Variants in SMG6 observed in about 807,000 individuals in gnomAD.
SMG6 encodes the protein SMG6 nonsense mediated mRNA decay factor, also known as telomerase-binding protein EST1A.
Under a neutral mutation model 142.2 loss-of-function variants are expected in SMG6, and 66 were observed. The observed-to-expected ratio is 0.46, with a 90% CI of 0.38 to 0.57. The LOEUF (loss-of-function observed/expected upper bound fraction) is 0.57, where lower values mean the gene tolerates loss of function less well. Ranked by LOEUF, SMG6 falls within the 20% of genes least tolerant of loss-of-function variation. The pLI is 0.00. For missense variants in SMG6, 1,793 were observed against 1,832.0 expected (o/e 0.98, Z 0.39); for synonymous variants, 779 against 702.4 (o/e 1.11, Z -1.72).
intron 12 of SMG6, among the ~76,000 whole-genome samples, chr17:2,177,942 G>A (rs1340586422): frequency 3.3e-5 from 5 of 152,188 alleles, no homozygotes; most frequent in African/African-American, 9.7e-5. Flanking sequence ...AACTGTCCAC[G>A]CAGGGGTCAG....
chr17:2,078,749 AAAG>A (rs1270349722), intron 15 of SMG6, among the ~76,000 whole-genome samples: 1 of 152,170 alleles, frequency 6.6e-6, no homozygotes, highest in African/African-American at 2.4e-5. Context: ...GAGACCAAAA[AAAG>A]AATGGTGGTG....
rs1294379633 is a variant in SMG6, at chr17:2,201,475, C to A, written c.2870-12960G>T. On this transcript the variant is annotated intron_variant, in intron 10 of 18. Transcript: ENST00000263073. ...TTAGAAGGCTGAGGTGTGTGGATGG[C>A]TTGCGGTCAGGAGTTCGAGACTGGC... 2.0e-5 allele frequency among the ~76,000 whole-genome samples: 3 copies of A among 152,142 alleles called. No homozygotes were observed. The East Asian group carries it at 5.8e-4, about 29-fold the overall frequency.
rs190639825 is a variant in SMG6, at chr17:2,184,826, G to A, written c.3155+1837C>T. 2.4e-3 allele frequency among the ~76,000 whole-genome samples: 356 copies of A among 151,290 alleles called. 5 individuals are homozygous for A. Among genetic ancestry groups the A allele is most frequent in the African/African-American group, 7.9e-3 (325 of 41,222 alleles). On this transcript the variant is annotated intron_variant, in intron 12 of 18. Transcript: ENST00000263073. ...TTAAAAATACAAAAATTAGCCGGGT[G>A]TGGTGGCAGGTGCCTGTAATCCCAG...
At chr17:2,161,415 T>A (rs917735153) in intron 13 of SMG6, among the ~76,000 whole-genome samples, 1 of 151,088 alleles carries the variant, frequency 6.6e-6, no homozygotes, top group African/African-American at 2.4e-5. Context: ...TTTATTTATT[T>A]ATTTTTTTTT....
At chr17:2,291,324 C>G (rs541812683) in intron 6 of SMG6, among the ~76,000 whole-genome samples, 16 of 151,008 alleles carry the variant, frequency 1.1e-4, no homozygotes, top group Non-Finnish European at 2.2e-4. Context: ...GAGCGAGACT[C>G]CGTCTCAGAA....
At chr17:2,199,256 G>C (rs1420010054) in intron 10 of SMG6, among the ~76,000 whole-genome samples, 1 of 152,226 alleles carries the variant, frequency 6.6e-6, no homozygotes, top group Non-Finnish European at 1.5e-5. Context: ...TCAAACATGA[G>C]TCTGAGTACT....
chr17:2,179,460 C>T (rs559528943), intron 12 of SMG6, among the ~76,000 whole-genome samples: 10 of 152,200 alleles, frequency 6.6e-5, no homozygotes, highest in South Asian at 2.1e-4. Flanking sequence ...ATACGCCCTA[C>T]GTATCCCTCT....
intron 8 of SMG6, among the ~76,000 whole-genome samples, chr17:2,251,116 A>G (rs1305330728): frequency 1.3e-5 from 2 of 151,792 alleles, no homozygotes; most frequent in African/African-American, 4.8e-5. Context: ...TGTCACAGAG[A>G]TGAGATGGAA....
intron 10 of SMG6, among the ~76,000 whole-genome samples, chr17:2,192,571 C>T (rs1206838793): frequency 6.6e-6 from 1 of 152,212 alleles, no homozygotes; most frequent in Non-Finnish European, 1.5e-5. Context: ...ATTCCCTCCC[C>T]ACTGTCTCCT....
chr17:2,103,271 T>C (rs1399431047), intron 13 of SMG6, among the ~76,000 whole-genome samples: 8 of 152,172 alleles, frequency 5.3e-5, no homozygotes, highest in Non-Finnish European at 8.8e-5. Flanking sequence ...AGCTCTGTCA[T>C]AGGGGACAGT....
In SMG6 at chr17:2,269,804, A is replaced by G. The variant is rs572502189; in HGVS notation, c.2661+12843T>C. Among the ~76,000 whole-genome samples the G allele has an allele frequency of 3.3e-5, 5 of 152,326 alleles. No individual in the cohort carries two copies. In the East Asian group the frequency reaches 9.7e-4, roughly 29 times the overall value. Reference sequence around the variant, plus strand: ...GGTTATCACTGTCATCATCTTACAGATAGAAAACTAAAGCTCAGCCAGGTT... The same window carrying G: ...GGTTATCACTGTCATCATCTTACAGGTAGAAAACTAAAGCTCAGCCAGGTT... On this transcript the variant is annotated intron_variant, in intron 8 of 18. Coordinates refer to ENST00000263073, the MANE Select transcript of SMG6 (RefSeq NM_017575.5).
chr17:2,120,473 A>G (rs1361000810), intron 13 of SMG6, among the ~76,000 whole-genome samples: 1 of 152,236 alleles, frequency 6.6e-6, no homozygotes, highest in East Asian at 1.9e-4. Context: ...CACGCCTAGC[A>G]CTTTGGACGA....
chr17:2,298,335 T>G (rs1420623069), intron 2 of SMG6, among the ~76,000 whole-genome samples: 4 of 152,218 alleles, frequency 2.6e-5, no homozygotes, highest in Non-Finnish European at 5.9e-5. Context: ...TTTCTTGGCA[T>G]TCTAGAAAGT....
chr17:2,197,292 G>A (rs551326669), intron 10 of SMG6, among the ~76,000 whole-genome samples: 5 of 152,256 alleles, frequency 3.3e-5, no homozygotes, highest in East Asian at 1.9e-4. Flanking sequence ...GGCCAGGCGC[G>A]GTGGCTCACG....
rs760857916 is a variant in SMG6 at position 2,300,196 on chromosome 17, A to G, written c.557T>C (p.Val186Ala). The change falls in exon 2 of 19, where the codon GTT (valine) becomes GCT (alanine). Residue 186 changes from valine (V) to alanine (A), a missense_variant. Val to Ala is a moderately conservative substitution (Grantham distance 64, BLOSUM62 0). This residue lies in a region of SMG6 where 1,597 missense variants were observed against 1,584.6 expected (regional missense o/e 1.01). Coordinates refer to ENST00000263073, the MANE Select transcript of SMG6 (RefSeq NM_017575.5). ...TTTATTCGCAACTTCCTCCTTCGCA[A>G]CATTTCCCCTACACTCATCTTCCTC... ...RVEEDECRGN[V>A]AKEEVANKPD... 2 of 1,613,816 alleles carry G rather than the reference A, an allele frequency of 1.2e-6. No individual in the cohort carries two copies. Among genetic ancestry groups the G allele is most frequent in the Admixed American group, 1.7e-5 (1 of 59,982 alleles).
intron 12 of SMG6, among the ~76,000 whole-genome samples, chr17:2,176,150 A>G (rs777253829): frequency 2.0e-5 from 3 of 152,218 alleles, no homozygotes; most frequent in African/African-American, 2.4e-5. Flanking sequence ...GCTTACCCCA[A>G]TCAGGCCTCT....
intron 8 of SMG6, among the ~76,000 whole-genome samples, chr17:2,264,810 G>T (rs118136827): frequency 0.21 from 31,967 of 151,648 alleles, 4,326 homozygotes; most frequent in Admixed American, 0.3. Flanking sequence ...GCTGGGAGGG[G>T]AGGATTGCTT....
At chr17:2,065,411 G>T in intron 17 of SMG6, 57 bp downstream of exon 17, 1 of 1,541,136 alleles carries the variant, frequency 6.5e-7, no homozygotes, top group Non-Finnish European at 8.9e-7. Flanking sequence ...CTTCCTTCCT[G>T]GAGACCTTGT....
chr17:2,281,655 G>A (rs942935697), intron 8 of SMG6, among the ~76,000 whole-genome samples: 9 of 152,114 alleles, frequency 5.9e-5, no homozygotes, highest in African/African-American at 2.2e-4. Context: ...TATTTCTGAA[G>A]AGCAGATGTT....
Sources: gnomAD v4.1 joint callset for allele counts (sites outside exome capture counted in the v4.1 genomes callset) on GRCh38, gnomAD v4.1.1 for gene constraint, gnomAD v4.1.1 regional missense constraint, MANE v1.5 for transcripts, NCBI Gene and HGNC (gene_info 2026-07-23, HGNC 2026-07-21) for gene names.